Variants in FAM20C observed in about 807,000 individuals in gnomAD.
FAM20C encodes the protein FAM20C golgi associated secretory pathway kinase.
A neutral mutation model predicts 51.5 loss-of-function variants in FAM20C; 40 were observed. That is an observed-to-expected ratio of 0.78 (90% CI 0.60 to 1.01). The LOEUF (loss-of-function observed/expected upper bound fraction) is 1.01, where lower values mean the gene tolerates loss of function less well. Ranked by LOEUF, FAM20C falls within the 50% of genes least tolerant of loss-of-function variation. FAM20C has a pLI of 0.00. For missense variants in FAM20C, 861 were observed against 844.7 expected (o/e 1.02, Z -0.24); for synonymous variants, 406 against 380.6 (o/e 1.07, Z -0.78).
At chr7:196,261 C>T (rs919635593) in intron 2 of FAM20C, among the ~76,000 whole-genome samples, 5 of 151,928 alleles carry the variant, frequency 3.3e-5, no homozygotes, top group African/African-American at 1.2e-4. Flanking sequence ...GGACGGAGGC[C>T]TGGGCCTCCC....
At chr7:208,867 G>GT in intron 2 of FAM20C, 31 bp from the exon 3 acceptor site, 7 of 1,553,904 alleles carry the variant, frequency 4.5e-6, no homozygotes, top group Non-Finnish European at 6.1e-6. Context: ...AGGCCAGAGA[G>GT]TGACCCTGTT....
At chr7:221,020 A>G (rs1787239112) in intron 3 of FAM20C, among the ~76,000 whole-genome samples, 1 of 41,530 alleles carries the variant, frequency 2.4e-5, no homozygotes, top group African/African-American at 1.0e-4. Context: ...AGCCGTTCTT[A>G]GCATCTGGGC....
chr7:250,104 A>C (rs1168688570), intron 5 of FAM20C, among the ~76,000 whole-genome samples: 1 of 152,174 alleles, frequency 6.6e-6, no homozygotes, highest in Non-Finnish European at 1.5e-5. Flanking sequence ...GATAAAATCC[A>C]ATTAGGGCCC....
chr7:252,737 C>A (rs1176916999), intron 5 of FAM20C, among the ~76,000 whole-genome samples: 2 of 152,234 alleles, frequency 1.3e-5, no homozygotes, highest in Non-Finnish European at 2.9e-5. Flanking sequence ...GCCCCCTGCC[C>A]CACGTAGGGA....
chr7:194,862 G>A (rs1433094884), intron 1 of FAM20C, among the ~76,000 whole-genome samples: 1 of 151,592 alleles, frequency 6.6e-6, no homozygotes, highest in Non-Finnish European at 1.5e-5. Context: ...GACAAGTTCC[G>A]CGTTTCCCTC....
At chr7:219,061 C>T (rs377585021) in intron 3 of FAM20C, among the ~76,000 whole-genome samples, 4 of 152,194 alleles carry the variant, frequency 2.6e-5, no homozygotes, top group Admixed American at 6.5e-5. Flanking sequence ...TGCTCCCCAC[C>T]GCACAGAGGC....
At position 256,521 on chromosome 7, in the gene FAM20C, C is replaced by T. The variant is rs779335876; in HGVS notation, c.1254-133C>T. The T allele has an allele frequency of 4.6e-5, 33 of 711,760 alleles. No homozygotes were observed. The Admixed American group carries it at 5.2e-4, about 11-fold the overall frequency. The allele number at this position is 711,760 out of a possible 1,614,324, so 44.1% of individuals were successfully genotyped here. On this transcript the variant is annotated intron_variant, in intron 6 of 9. Coordinates refer to ENST00000313766, the MANE Select transcript of FAM20C (RefSeq NM_020223.4). The stretch of plus-strand genomic sequence containing the variant: ...CGTGCTCCCGCTAATGCAGCCTCAG[C>T]GCCGCAGCCCGGGCGGGTCCATCTG...
chr7:235,950 T>C (rs999643153), intron 3 of FAM20C, among the ~76,000 whole-genome samples: 12 of 152,340 alleles, frequency 7.9e-5, no homozygotes, highest in East Asian at 7.7e-4. Flanking sequence ...CTAACCCCGC[T>C]GGATCTGATA....
At position 256,425 on chromosome 7, in the gene FAM20C, C is replaced by A. The variant is rs1788591943; in HGVS notation, c.1254-229C>A. On this transcript the variant is annotated intron_variant, in intron 6 of 9. Coordinates refer to ENST00000313766, the MANE Select transcript of FAM20C (RefSeq NM_020223.4). ...AGAGACTCTGCAAAAAACACGGGGCCCAGAGGTGAAGGCAGCTCCAGGTGG... is the reference window on the plus strand; with the variant it reads ...AGAGACTCTGCAAAAAACACGGGGCACAGAGGTGAAGGCAGCTCCAGGTGG... 4 of 585,428 alleles carry A rather than the reference C, an allele frequency of 6.8e-6. No homozygotes were observed. In the East Asian group the frequency reaches 1.1e-4, roughly 17 times the overall value. 36.3% of individuals were successfully genotyped at this position (585,428 alleles called of 1,614,324 possible).
At chr7:237,624 TGGTAGCAATGAC>T (rs1311155099) in intron 3 of FAM20C, among the ~76,000 whole-genome samples, 9 of 152,066 alleles carry the variant, frequency 5.9e-5, no homozygotes, top group African/African-American at 2.2e-4. Context: ...GTGATGATGA[TGGTAGCAATGAC>T]GGTAATGATG....
At chr7:256,869 C>T in intron 7 of FAM20C, 106 bp downstream of exon 7, 3 of 1,416,144 alleles carry the variant, frequency 2.1e-6, no homozygotes, top group Non-Finnish European at 1.9e-6. Context: ...GGCTGCGGTC[C>T]TGTGGCCTGT....
At chr7:222,835 G>T (rs80188391) in intron 3 of FAM20C, among the ~76,000 whole-genome samples, 1 of 152,098 alleles carries the variant, frequency 6.6e-6, no homozygotes, top group African/African-American at 2.4e-5. Flanking sequence ...AAGGGCATGT[G>T]TGTGCATGCA....
intron 8 of FAM20C, among the ~76,000 whole-genome samples, chr7:258,043 G>A (rs1414559737): frequency 8.6e-6 from 1 of 116,364 alleles, no homozygotes; most frequent in Non-Finnish European, 1.9e-5. Context: ...CCCGGGTGCT[G>A]GAGATAGGCA....
intron 2 of FAM20C, among the ~76,000 whole-genome samples, chr7:205,211 T>A (rs1786298687): frequency 8.7e-6 from 1 of 115,044 alleles, no homozygotes; most frequent in Non-Finnish European, 1.8e-5. Context: ...CCTCAAGCAG[T>A]CTTCCCACAG....
At chr7:258,164 G>A (rs375544771) in intron 8 of FAM20C, among the ~76,000 whole-genome samples, 1 of 122,664 alleles carries the variant, frequency 8.2e-6, no homozygotes, top group East Asian at 2.5e-4. Context: ...AGATAGGCAG[G>A]GTGGACCCAC....
Position 256,041 on chromosome 7 carries a change from G to C in FAM20C, c.1253+12G>C, listed in dbSNP as rs1414234894. 5.2e-6 allele frequency: 8 copies of C among 1,532,686 alleles called. No homozygotes were observed. Among genetic ancestry groups the C allele is most frequent in the Non-Finnish European group, 7.0e-6 (8 of 1,145,100 alleles). The allele number at this position is 1,532,686 out of a possible 1,614,324, so 94.9% of individuals were successfully genotyped here. ...CGCAAGAAGGCCGAGTGAGTGCGGGGCCGGGGGGCTGGCGTCCGGCCACCC... is the reference window on the plus strand; with the variant it reads ...CGCAAGAAGGCCGAGTGAGTGCGGGCCCGGGGGGCTGGCGTCCGGCCACCC... On this transcript the variant is annotated intron_variant, in intron 6 of 9. Coordinates refer to ENST00000313766, the MANE Select transcript of FAM20C (RefSeq NM_020223.4).
rs764407296 is a variant in FAM20C at position 195,741 on chromosome 7, C to T, written c.784+9C>T. ...GAGGATCACCAGCGTGGGTAGGTGT[C>T]CTTGGGTGCACTCAGGGCCGTCTGT... On this transcript the variant is annotated intron_variant, in intron 2 of 9. Coordinates refer to ENST00000313766, the MANE Select transcript of FAM20C (RefSeq NM_020223.4). The T allele has an allele frequency of 1.3e-6, 2 of 1,593,160 alleles. No homozygotes were observed. The highest frequency in any genetic ancestry group is 2.3e-5 in the East Asian group (1 of 43,872).
intron 3 of FAM20C, among the ~76,000 whole-genome samples, chr7:226,610 G>C (rs1281042583): frequency 6.6e-6 from 1 of 152,118 alleles, no homozygotes; most frequent in Admixed American, 6.5e-5. Flanking sequence ...AGGTCTGTGG[G>C]GACGGGCACA....
At chr7:211,413 C>G (rs957448944) in intron 3 of FAM20C, among the ~76,000 whole-genome samples, 1 of 151,324 alleles carries the variant, frequency 6.6e-6, no homozygotes, top group South Asian at 2.1e-4. Flanking sequence ...CCTCCTCCAC[C>G]TCTTCCTCCC....
Sources: gnomAD v4.1 joint callset for allele counts (sites outside exome capture counted in the v4.1 genomes callset) on GRCh38, gnomAD v4.1.1 for gene constraint, MANE v1.5 for transcripts, NCBI Gene and HGNC (gene_info 2026-07-23, HGNC 2026-07-21) for gene names.